SKAP1: variants seen among roughly 807,000 people sequenced by gnomAD.
SKAP1 encodes the protein src kinase-associated phosphoprotein 1.
In SKAP1, 44 loss-of-function variants were observed where a neutral mutation model predicts 58.5. That is an observed-to-expected ratio of 0.75 (90% confidence interval 0.59 to 0.97). The LOEUF (loss-of-function observed/expected upper bound fraction) is 0.97, where lower values mean the gene tolerates loss of function less well. Among genes scored for constraint, SKAP1 ranks in the 50% least tolerant of loss-of-function variants. The pLI, the probability that SKAP1 is intolerant of heterozygous loss-of-function variation, is 0.00. For synonymous variants in SKAP1, 127 were observed against 149.7 expected (o/e 0.85, Z 1.11); for missense variants, 390 against 435.2 (o/e 0.90, Z 0.92).
chr17:48,246,898 A>G (rs2065303135), intron 4 of SKAP1, among the ~76,000 whole-genome samples: 1 of 152,234 alleles, frequency 6.6e-6, no homozygotes, highest in Non-Finnish European at 1.5e-5. Flanking sequence ...AATGCTTAGA[A>G]CAGTCTTAAC....
chr17:48,251,550 C>A (rs2065363662), intron 4 of SKAP1, among the ~76,000 whole-genome samples: 1 of 152,112 alleles, frequency 6.6e-6, no homozygotes, highest in Non-Finnish European at 1.5e-5. Context: ...TTGCTGTATT[C>A]ATTTATCTTT....
chr17:48,217,336 T>C (rs979526501), intron 4 of SKAP1, among the ~76,000 whole-genome samples: 1 of 152,132 alleles, frequency 6.6e-6, no homozygotes, highest in African/African-American at 2.4e-5. Context: ...AAGAGGGGTT[T>C]CTGAATAGAT....
chr17:48,235,849 A>G (rs1313988404), intron 4 of SKAP1, among the ~76,000 whole-genome samples: 1 of 152,186 alleles, frequency 6.6e-6, no homozygotes, highest in African/African-American at 2.4e-5. Context: ...AGGAGCCTAT[A>G]GTCAAATATA....
At chr17:48,157,932 CTTTAGGAGGCCG>C (rs1223444361) in intron 11 of SKAP1, among the ~76,000 whole-genome samples, 19 of 150,788 alleles carry the variant, frequency 1.3e-4, no homozygotes, top group African/African-American at 4.6e-4. Flanking sequence ...AATCCCAACA[CTTTAGGAGGCCG>C]AGGTGGGTGG....
rs535056357 is a variant in SKAP1 at position 48,330,025 on chromosome 17, G to C, written c.280+15880C>G. Among the ~76,000 whole-genome samples, 17 of 152,262 alleles carry C rather than the reference G, an allele frequency of 1.1e-4. 1 individual carries two copies. In the South Asian group the frequency reaches 3.1e-3, roughly 28 times the overall value. ...GCAGGTACTATTAATTCACCTTATA[G>C]AGTGCCATGCATTCAGCATAGTTAT... On this transcript the variant is annotated intron_variant, in intron 4 of 12. Coordinates refer to ENST00000336915, the MANE Select transcript of SKAP1 (RefSeq NM_003726.4).
At chr17:48,192,911 G>A (rs1455970841) in intron 4 of SKAP1, among the ~76,000 whole-genome samples, 1 of 152,126 alleles carries the variant, frequency 6.6e-6, no homozygotes, top group Non-Finnish European at 1.5e-5. Flanking sequence ...CTAAAATTGG[G>A]TACCAAAGGA....
intron 2 of SKAP1, among the ~76,000 whole-genome samples, chr17:48,369,109 G>GCACT (rs1214716896): frequency 6.6e-6 from 1 of 151,752 alleles, no homozygotes; most frequent in Non-Finnish European, 1.5e-5. Context: ...ATCGCGCCAT[G>GCACT]CACTCCAGCC....
At chr17:48,437,668 G>C in the SKAP1 span, among the ~76,000 whole-genome samples, 1 of 149,424 alleles carries the variant, frequency 6.7e-6, no homozygotes, top group African/African-American at 2.5e-5. Context: ...CTAGAACCCA[G>C]GAGGCAGAAG....
At chr17:48,399,804 C>G (rs1204284310) in intron 1 of SKAP1, among the ~76,000 whole-genome samples, 1 of 151,226 alleles carries the variant, frequency 6.6e-6, no homozygotes, top group Non-Finnish European at 1.5e-5. Flanking sequence ...TGGTCAAAGA[C>G]TGAACACTTT....
intron 1 of SKAP1, among the ~76,000 whole-genome samples, chr17:48,416,179 C>T (rs1167053395): frequency 6.6e-6 from 1 of 151,524 alleles, no homozygotes; most frequent in Admixed American, 6.6e-5. Context: ...ATTTCAGCCT[C>T]ATCTTCTCTT....
intron 2 of SKAP1, among the ~76,000 whole-genome samples, chr17:48,375,279 TAAAC>T (rs2067137922): frequency 6.6e-6 from 1 of 152,046 alleles, no homozygotes; most frequent in African/African-American, 2.4e-5. Flanking sequence ...TATTAAATAA[TAAAC>T]AACATTATCT....
At chr17:48,322,431 A>G (rs1263415600) in intron 4 of SKAP1, among the ~76,000 whole-genome samples, 1 of 152,236 alleles carries the variant, frequency 6.6e-6, no homozygotes, top group Non-Finnish European at 1.5e-5. Flanking sequence ...AATAAAGGGA[A>G]GTTCATTGAC....
chr17:48,327,766 C>T (rs542962079), intron 4 of SKAP1, among the ~76,000 whole-genome samples: 15 of 152,274 alleles, frequency 9.9e-5, no homozygotes, highest in African/African-American at 3.6e-4. Context: ...GCTGGGACTA[C>T]AGGTGCGTGC....
intron 1 of SKAP1, among the ~76,000 whole-genome samples, chr17:48,425,597 A>G (rs2067846992): frequency 6.6e-6 from 1 of 152,230 alleles, no homozygotes; most frequent in South Asian, 2.1e-4. Context: ...AATTAAGCAA[A>G]AAAGATTCTG....
chr17:48,352,478 C>G (rs1318373127), intron 3 of SKAP1, among the ~76,000 whole-genome samples: 1 of 152,108 alleles, frequency 6.6e-6, no homozygotes, highest in Non-Finnish European at 1.5e-5. Context: ...ATATGGCAAC[C>G]AGGCAATCAT....
chr17:48,163,842 TGGAA>T (rs2064102782), intron 10 of SKAP1, among the ~76,000 whole-genome samples: 1 of 152,200 alleles, frequency 6.6e-6, no homozygotes, highest in Non-Finnish European at 1.5e-5. Flanking sequence ...TATATGTCTC[TGGAA>T]GAGAATTTTG....
At chr17:48,143,212 G>C (rs1185739129) in intron 11 of SKAP1, among the ~76,000 whole-genome samples, 1 of 139,016 alleles carries the variant, frequency 7.2e-6, no homozygotes, top group African/African-American at 2.7e-5. Flanking sequence ...TTTTTTTTGG[G>C]AGACAGGATT....
At chr17:48,173,514 G>C (rs919725958) in intron 9 of SKAP1, among the ~76,000 whole-genome samples, 6 of 152,064 alleles carry the variant, frequency 3.9e-5, no homozygotes, top group Non-Finnish European at 1.5e-5. Flanking sequence ...TTTGACATGG[G>C]ACTAATTTTA....
chr17:48,323,329 G>A (rs1481843422), intron 4 of SKAP1, among the ~76,000 whole-genome samples: 1 of 151,920 alleles, frequency 6.6e-6, no homozygotes, highest in Non-Finnish European at 1.5e-5. Flanking sequence ...CATAGCTAAT[G>A]TATTTTTAGT....
Sources: gnomAD v4.1 joint callset for allele counts (sites outside exome capture counted in the v4.1 genomes callset) on GRCh38, gnomAD v4.1.1 for gene constraint, MANE v1.5 for transcripts, NCBI Gene and HGNC (gene_info 2026-07-23, HGNC 2026-07-21) for gene names.